Variants in ADAM7 observed in about 807,000 individuals in gnomAD.
The protein encoded by ADAM7 is ADAM metallopeptidase domain 7.
A neutral mutation model predicts 102.9 loss-of-function variants in ADAM7; 97 were observed. The observed-to-expected ratio is 0.94, with a 90% CI of 0.80 to 1.12. The LOEUF is 1.12. Among genes scored for constraint, ADAM7 ranks in the 50% most tolerant of loss-of-function variants. ADAM7 has a pLI of 0.00. For missense variants in ADAM7, 991 were observed against 908.7 expected (o/e 1.09, Z -1.16); for synonymous variants, 334 against 304.4 (o/e 1.10, Z -1.01).
chr8:24,450,918 T>C (rs1485315458), intron 3 of ADAM7, among the ~76,000 whole-genome samples: 4 of 152,250 alleles, frequency 2.6e-5, no homozygotes, highest in Non-Finnish European at 5.9e-5. Context: ...CATGTGGTTT[T>C]CATCTTTGGT....
chr8:24,502,775 G>C (rs2129396771), intron 20 of ADAM7, among the ~76,000 whole-genome samples: 1 of 152,148 alleles, frequency 6.6e-6, no homozygotes. Context: ...GGCTCTACTG[G>C]TGAATTCTAT....
At chr8:24,472,863 A>T (rs983824275) in intron 7 of ADAM7, among the ~76,000 whole-genome samples, 3 of 152,058 alleles carry the variant, frequency 2.0e-5, no homozygotes, top group African/African-American at 7.2e-5. Context: ...CAAGCTTCTG[A>T]CAATGCTGAT....
Position 24,487,302 on chromosome 8 carries a change from T to C in ADAM7, c.1076T>C (p.Met359Thr). The C allele has an allele frequency of 1.2e-6, 2 of 1,613,640 alleles. No homozygotes were observed. Among genetic ancestry groups the C allele is most frequent in the Non-Finnish European group, 1.7e-6 (2 of 1,179,750 alleles). ...ACCTGTCCTTCAGGAAAATGCGTGA[T>C]GGACAGTGATGGAAGGTGAGATTCG... is the stretch of plus-strand genomic sequence containing the variant. ...PCTCPSGKCV[M>T]DSDGSIPALK... Residue 359 changes from methionine (M) to threonine (T), a missense_variant, in exon 11 of 22, where the codon ATG (methionine) becomes ACG (threonine). Met to Thr is a moderately conservative substitution (Grantham distance 81, BLOSUM62 -1). Coordinates refer to ENST00000175238, the MANE Select transcript of ADAM7 (RefSeq NM_003817.4).
chr8:24,507,480 A>G lies in ADAM7; in HGVS notation c.2209A>G (p.Lys737Glu), dbSNP rs776026968. 1 of 1,611,390 alleles carries G rather than the reference A, an allele frequency of 6.2e-7. No homozygotes were observed. Among genetic ancestry groups the G allele is most frequent in the South Asian group, 1.1e-5 (1 of 90,992 alleles). Residue 737 changes from lysine to glutamate, a missense_variant and splice_region_variant, in exon 21 of 22, where the codon AAA (lysine) becomes GAA (glutamate). Coordinates refer to ENST00000175238, the MANE Select transcript of ADAM7 (RefSeq NM_003817.4). The stretch of plus-strand genomic sequence containing the variant: ...ATACAACATAATTTATTTATTATAG[A>G]AACCTGCAAGTAAAGATTCAAGAGG... ...PILPEIHFLN[K>E]PASKDSRGIA...
Position 24,493,224 on chromosome 8 carries a change from G to A in ADAM7, c.1837G>A (p.Gly613Arg). ...GGCGTCAGGAACAAAATGTGGAGAG[G>A]GAATGGTAAGACAAAAGCCCTTTGT... is the stretch of plus-strand genomic sequence containing the variant. The part of the protein sequence containing the change: ...LVASGTKCGE[G>R]MVCNNGECLN... Residue 613 changes from glycine (G) to arginine (R), a missense_variant, in exon 16 of 22, where the codon GGA becomes AGA. By Grantham distance (125) the Gly-to-Arg change is moderately radical (BLOSUM62 -2). Coordinates refer to ENST00000175238, the MANE Select transcript of ADAM7 (RefSeq NM_003817.4). 1 of 1,595,520 alleles carries A rather than the reference G, an allele frequency of 6.3e-7. No individual in the cohort carries two copies.
Position 24,509,236 on chromosome 8 carries a change from T to A in ADAM7, c.*690T>A. 2 of 985,452 alleles carry A rather than the reference T, an allele frequency of 2.0e-6. No individual in the cohort carries two copies. The highest frequency in any genetic ancestry group is 2.4e-6 in the Non-Finnish European group (2 of 829,974). 61.0% of individuals were successfully genotyped at this position (985,452 alleles called of 1,614,324 possible). ...AGGGTTACAAGAATTTCAGAAAATT[T>A]ACTCCAAGTGAGAGGACATACTCAC... On this transcript the variant is annotated 3_prime_UTR_variant, in exon 22 of 22. Coordinates refer to ENST00000175238, the MANE Select transcript of ADAM7 (RefSeq NM_003817.4).
chr8:24,466,405 C>T (rs1289896406), intron 5 of ADAM7, among the ~76,000 whole-genome samples: 1 of 152,176 alleles, frequency 6.6e-6, no homozygotes, highest in East Asian at 1.9e-4. Flanking sequence ...CCTTTAATGA[C>T]ACAGTTACCA....
At chr8:24,487,045 A>G (rs990445159) in intron 10 of ADAM7, 142 bp from the exon 11 acceptor site, 3 of 787,864 alleles carry the variant, frequency 3.8e-6, no homozygotes, top group Non-Finnish European at 5.7e-6. Context: ...CAGAGGAGAG[A>G]AGTAACTGAG....
chr8:24,492,386 T>G lies in ADAM7; in HGVS notation c.1553-109T>G, dbSNP rs1383511016. 8.4e-6 allele frequency: 7 copies of G among 835,710 alleles called. No individual in the cohort carries two copies. The East Asian group carries it at 1.5e-4, about 18-fold the overall frequency. 51.8% of individuals were successfully genotyped at this position (835,710 alleles called of 1,614,324 possible). On this transcript the variant is annotated intron_variant, in intron 14 of 21. Transcript: ENST00000175238. Reference sequence around the variant, plus strand: ...TTTAAATAATTTATTCCATTCTACTTCACTATGACATGATTCTGAAAGTTT... The same window carrying G: ...TTTAAATAATTTATTCCATTCTACTGCACTATGACATGATTCTGAAAGTTT...
At chr8:24,467,318 A>AT (rs150576808) in intron 6 of ADAM7, 45,390 of 329,216 alleles carry the variant, frequency 0.14, 2,498 homozygotes, top group Non-Finnish European at 0.18. Context: ...CTTCCCTGCC[A>AT]TTTTTTTTTG....
intron 3 of ADAM7, among the ~76,000 whole-genome samples, chr8:24,453,583 G>A (rs900042096): frequency 2.0e-5 from 3 of 152,008 alleles, no homozygotes; most frequent in African/African-American, 7.3e-5. Context: ...TAACTTCTTT[G>A]CCTTTGGTTT....
Position 24,508,538 on chromosome 8 carries a change from C to A in ADAM7, c.*-8C>A. 1 of 1,613,348 alleles carries A rather than the reference C, an allele frequency of 6.2e-7. No homozygotes were observed. The highest frequency in any genetic ancestry group is 8.5e-7 in the Non-Finnish European group (1 of 1,179,564). ...ACAATCTATTTTTAACCATCTGTTTCTATTTAGAGCTTGAAGTTGGATATC... is the reference window on the plus strand; with the variant it reads ...ACAATCTATTTTTAACCATCTGTTTATATTTAGAGCTTGAAGTTGGATATC... On this transcript the variant is annotated splice_region_variant and splice_polypyrimidine_tract_variant and intron_variant, in intron 21 of 21. Coordinates refer to ENST00000175238, the MANE Select transcript of ADAM7 (RefSeq NM_003817.4).
At chr8:24,470,382 A>T (rs1328024406) in intron 7 of ADAM7, among the ~76,000 whole-genome samples, 1 of 152,112 alleles carries the variant, frequency 6.6e-6, no homozygotes, top group Non-Finnish European at 1.5e-5. Flanking sequence ...GTAAAGTGTG[A>T]GTATTAAAAC....
chr8:24,441,189 T>C, intron 1 of ADAM7, 29 bp downstream of exon 1: 1 of 1,584,900 alleles, frequency 6.3e-7, no homozygotes, highest in Non-Finnish European at 8.7e-7. Context: ...ATCAGGACTT[T>C]CTTATTATGC....
intron 20 of ADAM7, among the ~76,000 whole-genome samples, chr8:24,502,906 G>C (rs1328743187): frequency 2.5e-5 from 2 of 81,526 alleles, no homozygotes; most frequent in Non-Finnish European, 5.1e-5. Flanking sequence ...ACCTATAAAA[G>C]TCATTACAAG....
chr8:24,489,256 T>C lies in ADAM7; in HGVS notation c.1189T>C (p.Tyr397His). ...ATGCATGCTCAACATTCCATTTCCT[T>C]ACAATTTTCATGATTTCCAATTTTG... ...PTCMLNIPFPYNFHDFQFCGN... is the reference protein window; with the variant it reads ...PTCMLNIPFPHNFHDFQFCGN... Residue 397 changes from tyrosine to histidine, a missense_variant, in exon 12 of 22, where the codon TAC (tyrosine) becomes CAC (histidine). By Grantham distance (83) the Tyr-to-His change is moderately conservative (BLOSUM62 2). Transcript: ENST00000175238. The C allele has an allele frequency of 1.2e-6, 2 of 1,613,680 alleles. No individual in the cohort carries two copies. The highest frequency in any genetic ancestry group is 2.2e-5 in the East Asian group (1 of 44,846).
chr8:24,489,253 C>T lies in ADAM7; in HGVS notation c.1186C>T (p.Pro396Ser). 6.2e-7 allele frequency: 1 copy of T among 1,613,596 alleles called. No individual in the cohort carries two copies. Among genetic ancestry groups the T allele is most frequent in the Non-Finnish European group, 8.5e-7 (1 of 1,179,714 alleles). ...AACATGCATGCTCAACATTCCATTT[C>T]CTTACAATTTTCATGATTTCCAATT... Reference protein sequence around the residue: ...KPTCMLNIPFPYNFHDFQFCG... With the variant: ...KPTCMLNIPFSYNFHDFQFCG... The change falls in exon 12 of 22, where the codon CCT (proline) becomes TCT (serine). Residue 396 changes from proline (P) to serine (S), a missense_variant. Coordinates refer to ENST00000175238, the MANE Select transcript of ADAM7 (RefSeq NM_003817.4).
intron 20 of ADAM7, 80 bp from the exon 21 acceptor site, chr8:24,507,400 C>A: frequency 1.8e-6 from 2 of 1,128,944 alleles, no homozygotes; most frequent in Non-Finnish European, 2.7e-6. Context: ...TGTATGTGTG[C>A]ACATGCATGT....
chr8:24,441,048 G>A lies in ADAM7; in HGVS notation c.-61G>A. The stretch of plus-strand genomic sequence containing the variant: ...TTCATCCCTGCAGTGGAAGTGAGGA[G>A]GAAGAAAGGTGAACTCCTTTTCTCA... On this transcript the variant is annotated 5_prime_UTR_variant, in exon 1 of 22. Coordinates refer to ENST00000175238, the MANE Select transcript of ADAM7 (RefSeq NM_003817.4). 2 of 1,487,454 alleles carry A rather than the reference G, an allele frequency of 1.3e-6. No individual in the cohort carries two copies. Among genetic ancestry groups the A allele is most frequent in the Non-Finnish European group, 1.9e-6 (2 of 1,065,624 alleles). 92.1% of individuals were successfully genotyped at this position (1,487,454 alleles called of 1,614,324 possible). A position where few individuals can be genotyped will look rare whatever the true frequency, so the allele number is the denominator to read the frequency against.
Sources: allele counts gnomAD v4.1 joint callset (sites outside exome capture counted in the v4.1 genomes callset), GRCh38; gene constraint gnomAD v4.1.1; transcripts MANE v1.5; gene names NCBI Gene and HGNC (gene_info 2026-07-23, HGNC 2026-07-21).